PPP1R15B: variants seen among roughly 807,000 people sequenced by gnomAD.
The protein encoded by PPP1R15B is protein phosphatase 1, regulatory (inhibitor) subunit 15B.
Under a neutral mutation model 53.9 loss-of-function variants are expected in PPP1R15B, and 31 were observed. That is an observed-to-expected ratio of 0.58 (90% CI 0.43 to 0.78). The LOEUF is 0.78. Ranked by LOEUF, PPP1R15B falls within the 30% of genes least tolerant of loss-of-function variation. The probability of loss-of-function intolerance (pLI) is 0.00; values close to 1 mark genes in which losing one functional copy is unlikely to be tolerated. For synonymous variants in PPP1R15B, 345 were observed against 329.1 expected (o/e 1.05, Z -0.52); for missense variants, 928 against 849.6 (o/e 1.09, Z -1.15).
At chr1:204,396,377 CAAAAACAAAAAAA>C (rs1265456309), downstream of PPP1R15B, among the ~76,000 whole-genome samples, 11 of 40,906 alleles carry the variant, frequency 2.7e-4, no homozygotes, top group East Asian at 5.9e-4. Context: ...AAAGCAAAAA[CAAAAACAAAAAAA>C]AAAAAACAAA....
Position 204,410,104 on chromosome 1 carries a change from G to A in PPP1R15B, c.1308C>T (p.Asp436=), listed in dbSNP as rs377038976. 7.4e-5 allele frequency: 119 copies of A among 1,613,956 alleles called. No individual in the cohort carries two copies. Among genetic ancestry groups the A allele is most frequent in the Admixed American group, 2.5e-4 (15 of 60,002 alleles). ...IDYILGGASS[D]LETSSDPEGE... ...CTTCTGGATCAGAACTTGTTTCCAGGTCACTGGATGCACCTCCCAAAATAT... is the reference window on the plus strand; with the variant it reads ...CTTCTGGATCAGAACTTGTTTCCAGATCACTGGATGCACCTCCCAAAATAT... The change falls in exon 1 of 2, where the codon GAC becomes GAT. Residue 436 remains aspartate, a synonymous_variant. Coordinates refer to ENST00000367188, the MANE Select transcript of PPP1R15B (RefSeq NM_032833.5).
At position 204,410,032 on chromosome 1, in the gene PPP1R15B, A is replaced by G. The variant is rs757227430; in HGVS notation, c.1380T>C (p.Asp460=). The G allele has an allele frequency of 1.4e-5, 22 of 1,613,710 alleles. No individual in the cohort carries two copies. Among genetic ancestry groups the G allele is most frequent in the African/African-American group, 4.0e-5 (3 of 74,938 alleles). The change falls in exon 1 of 2, where the codon GAT becomes GAC. Residue 460 remains aspartate, a synonymous_variant. Coordinates refer to ENST00000367188, the MANE Select transcript of PPP1R15B (RefSeq NM_032833.5). ...EEAEDDGFDS[D]SSLSDSDLEQ... ...CAAGGTCTGAGTCTGACAGTGAGCT[A>G]TCACTATCAAAACCATCATCCTCAG...
chr1:204,402,520 G>C (rs1050703482), downstream of PPP1R15B, among the ~76,000 whole-genome samples: 2 of 152,004 alleles, frequency 1.3e-5, no homozygotes, highest in Admixed American at 1.3e-4. Flanking sequence ...CAACCCTCCT[G>C]TCTCAGCCTC....
Position 204,409,993 on chromosome 1 carries a change from T to C in PPP1R15B, c.1419A>G (p.Glu473=). The C allele has an allele frequency of 6.2e-7, 1 of 1,614,170 alleles. No homozygotes were observed. The highest frequency in any genetic ancestry group is 1.1e-5 in the South Asian group (1 of 91,086). The change falls in exon 1 of 2, where the codon GAA becomes GAG. Residue 473 remains glutamate, a synonymous_variant. Transcript: ENST00000367188. ...LSDSDLEQDP[E]GLHLWNSFCS... is the part of the protein sequence containing the mutation. ...AGAAAGAGTTCCAAAGGTGAAGCCCTTCAGGGTCTTGTTCAAGGTCTGAGT... is the reference window on the plus strand; with the variant it reads ...AGAAAGAGTTCCAAAGGTGAAGCCCCTCAGGGTCTTGTTCAAGGTCTGAGT...
rs190263769 is a variant in PPP1R15B, at chr1:204,404,644, T to C, written c.*1448A>G. On this transcript the variant is annotated 3_prime_UTR_variant, in exon 2 of 2. Coordinates refer to ENST00000367188, the MANE Select transcript of PPP1R15B (RefSeq NM_032833.5). ...AGAAATAAAATAATGACCAGGTAGA[T>C]TGTAAACTGAGGTAGTAACCCTGTA... is the stretch of plus-strand genomic sequence containing the variant. 13 of 985,770 alleles carry C rather than the reference T, an allele frequency of 1.3e-5. No individual in the cohort carries two copies. The highest frequency in any genetic ancestry group is 1.1e-4 in the East Asian group (1 of 8,818). The allele number at this position is 985,770 out of a possible 1,614,324, so 61.1% of individuals were successfully genotyped here.
chr1:204,404,241 TGA>T lies in PPP1R15B; in HGVS notation c.*1849_*1850del. 3 of 984,782 alleles carry T rather than the reference TGA, an allele frequency of 3.0e-6. No individual in the cohort carries two copies. The highest frequency in any genetic ancestry group is 3.6e-6 in the Non-Finnish European group (3 of 829,462). 61.0% of individuals were successfully genotyped at this position (984,782 alleles called of 1,614,324 possible). ...CAAAACACACAGAATCCCAGCACTT[TGA>T]GAGGCCGAGGCGGGCGGATCACGAG... On this transcript the variant is annotated 3_prime_UTR_variant, in exon 2 of 2. Coordinates refer to ENST00000367188, the MANE Select transcript of PPP1R15B (RefSeq NM_032833.5).
rs1674368121 is a variant in PPP1R15B at position 204,411,166 on chromosome 1, T to C, written c.246A>G (p.Leu82=). Residue 82 remains leucine (L), a synonymous_variant, in exon 1 of 2, where the codon CTA becomes CTG. Coordinates refer to ENST00000367188, the MANE Select transcript of PPP1R15B (RefSeq NM_032833.5). ...APLPGLLQKV[L]IWSQLFGGMF... ...TTCCACCGAAAAGTTGGCTCCAAAT[T>C]AGCACCTTCTGAAGCAATCCGGGGA... 6.2e-7 allele frequency: 1 copy of C among 1,614,100 alleles called. No homozygotes were observed. Among genetic ancestry groups the C allele is most frequent in the South Asian group, 1.1e-5 (1 of 91,078 alleles).
chr1:204,400,981 A>G (rs1674170620), downstream of PPP1R15B, among the ~76,000 whole-genome samples: 1 of 152,200 alleles, frequency 6.6e-6, no homozygotes, highest in African/African-American at 2.4e-5. Context: ...TCTCTAGGGT[A>G]TCCTCCCCAT....
Position 204,405,429 on chromosome 1 carries a change from T to C in PPP1R15B, c.*663A>G. The C allele has an allele frequency of 3.0e-6, 3 of 984,968 alleles. No homozygotes were observed. In the South Asian group the frequency reaches 1.4e-4, roughly 46 times the overall value. 61.0% of individuals were successfully genotyped at this position (984,968 alleles called of 1,614,324 possible). On this transcript the variant is annotated 3_prime_UTR_variant, in exon 2 of 2. Transcript: ENST00000367188. ...TCCCAAAGTAGTAAAGTACTGCACA[T>C]ATGGGTTTTGTGGCAGTCCTTGGAA...
rs773767203 is a variant in PPP1R15B, at chr1:204,410,946, G to T, written c.466C>A (p.Leu156Ile). 3.1e-6 allele frequency: 5 copies of T among 1,614,116 alleles called. No homozygotes were observed. The South Asian group carries it at 5.5e-5, about 18-fold the overall frequency. ...CCCTTGGCCTTAAGCTCCAATTTTA[G>T]GTCTGGGGGCGAGTATTGCCAGTGG... ...GIHWQYSPPD[L>I]KLELKAKGSA... Residue 156 changes from leucine to isoleucine, a missense_variant, in exon 1 of 2, where the codon CTA becomes ATA. Transcript: ENST00000367188.
rs141538150 is a variant in PPP1R15B, at chr1:204,410,005, T to A, written c.1407A>T (p.Glu469Asp). Residue 469 changes from glutamate to aspartate, a missense_variant, in exon 1 of 2, where the codon GAA (glutamate) becomes GAT (aspartate). Transcript: ENST00000367188. ...SDSSLSDSDL[E>D]QDPEGLHLWN... is the part of the protein sequence containing the mutation. ...AAAGGTGAAGCCCTTCAGGGTCTTGTTCAAGGTCTGAGTCTGACAGTGAGC... is the reference window on the plus strand; with the variant it reads ...AAAGGTGAAGCCCTTCAGGGTCTTGATCAAGGTCTGAGTCTGACAGTGAGC... The A allele has an allele frequency of 1.5e-3, 2,445 of 1,614,168 alleles. 8 individuals carry two copies. The highest frequency in any genetic ancestry group is 2.0e-3 in the Non-Finnish European group (2,356 of 1,180,002).
In PPP1R15B at chr1:204,404,635, C is replaced by T; in HGVS notation, c.*1457G>A. The T allele has an allele frequency of 1.0e-6, 1 of 985,532 alleles. No homozygotes were observed. The highest frequency in any genetic ancestry group is 1.2e-6 in the Non-Finnish European group (1 of 829,750). The allele number at this position is 985,532 out of a possible 1,614,324, so 61.0% of individuals were successfully genotyped here. A position where few individuals can be genotyped will look rare whatever the true frequency, so the allele number is the denominator to read the frequency against. ...GAACTGGATAGAAATAAAATAATGA[C>T]CAGGTAGATTGTAAACTGAGGTAGT... is the stretch of plus-strand genomic sequence containing the variant. On this transcript the variant is annotated 3_prime_UTR_variant, in exon 2 of 2. Transcript: ENST00000367188.
Position 204,405,509 on chromosome 1 carries a change from C to A in PPP1R15B, c.*583G>T. On this transcript the variant is annotated 3_prime_UTR_variant, in exon 2 of 2. Coordinates refer to ENST00000367188, the MANE Select transcript of PPP1R15B (RefSeq NM_032833.5). ...AAAAAGGCTACCACATATTTTCAAT[C>A]CAAGTCATTTTTACAAGAAAAAAAA... 1 of 983,462 alleles carries A rather than the reference C, an allele frequency of 1.0e-6. No homozygotes were observed. Among genetic ancestry groups the A allele is most frequent in the Non-Finnish European group, 1.2e-6 (1 of 828,458 alleles). 60.9% of individuals were successfully genotyped at this position (983,462 alleles called of 1,614,324 possible).
Position 204,406,177 on chromosome 1 carries a change from C to T in PPP1R15B, c.2057G>A (p.Cys686Tyr). Residue 686 changes from cysteine to tyrosine, a missense_variant, in exon 2 of 2, where the codon TGC becomes TAC. Coordinates refer to ENST00000367188, the MANE Select transcript of PPP1R15B (RefSeq NM_032833.5). ...TCTTTCTCTGTGTTCAAATGTCAAG[C>T]AATATCCAATAGCATCTTCTGTTTC... The part of the protein sequence containing the change: ...IQETEDAIGY[C>Y]LTFEHRERMF... 8 of 1,614,120 alleles carry T rather than the reference C, an allele frequency of 5.0e-6. No individual in the cohort carries two copies. Among genetic ancestry groups the T allele is most frequent in the Non-Finnish European group, 6.8e-6 (8 of 1,179,998 alleles).
chr1:204,409,453 T>C (rs1331232696), intron 1 of PPP1R15B, 39 bp downstream of exon 1: 2 of 1,560,632 alleles, frequency 1.3e-6, no homozygotes, highest in African/African-American at 2.7e-5. Flanking sequence ...ATAAAAACAG[T>C]CAGAACATAT....
At chr1:204,397,781 G>A (rs1387410096), downstream of PPP1R15B, among the ~76,000 whole-genome samples, 7 of 151,890 alleles carry the variant, frequency 4.6e-5, no homozygotes, top group Non-Finnish European at 7.4e-5. Context: ...CTTTCATAAC[G>A]ATGACAATGT....
downstream of PPP1R15B, among the ~76,000 whole-genome samples, chr1:204,399,062 A>C (rs1347793253): frequency 6.6e-6 from 1 of 152,196 alleles, no homozygotes; most frequent in Non-Finnish European, 1.5e-5. Flanking sequence ...ATTGTGGCAC[A>C]CTTGTTTCTG....
At chr1:204,400,342 C>CTT (rs888460091), downstream of PPP1R15B, among the ~76,000 whole-genome samples, 1 of 149,296 alleles carries the variant, frequency 6.7e-6, no homozygotes, top group African/African-American at 2.5e-5. Context: ...GTTAATCCAT[C>CTT]TTTTTTATTT....
Position 204,404,918 on chromosome 1 carries a change from T to G in PPP1R15B, c.*1174A>C, listed in dbSNP as rs1674238830. On this transcript the variant is annotated 3_prime_UTR_variant, in exon 2 of 2. Transcript: ENST00000367188. ...CTTTGGGCTAAATATATTAAAACTTTCCAGTCATTAATCTATACTTCTATC... is the reference window on the plus strand; with the variant it reads ...CTTTGGGCTAAATATATTAAAACTTGCCAGTCATTAATCTATACTTCTATC... 1.0e-6 allele frequency: 1 copy of G among 985,682 alleles called. No individual in the cohort carries two copies. The highest frequency in any genetic ancestry group is 4.7e-5 in the South Asian group (1 of 21,282). 61.1% of individuals were successfully genotyped at this position (985,682 alleles called of 1,614,324 possible).
Sources: gnomAD v4.1 joint callset for allele counts (sites outside exome capture counted in the v4.1 genomes callset) on GRCh38, gnomAD v4.1.1 for gene constraint, MANE v1.5 for transcripts, NCBI Gene and HGNC (gene_info 2026-07-23, HGNC 2026-07-21) for gene names.